Variants in GASK1A observed in about 807,000 individuals in gnomAD.
The protein encoded by GASK1A is golgi associated kinase 1A, also known as Golgi-associated kinase 1A.
In GASK1A, 40 loss-of-function variants were observed where a neutral mutation model predicts 41.2. The observed-to-expected ratio is 0.97, with a 90% confidence interval of 0.75 to 1.27. GASK1A has a LOEUF of 1.27. GASK1A is among the 50% of genes most tolerant of loss of function. The pLI is 0.00. For synonymous variants in GASK1A, 316 were observed against 307.1 expected (o/e 1.03, Z -0.30); for missense variants, 678 against 745.1 (o/e 0.91, Z 1.05).
intron 1 of GASK1A, among the ~76,000 whole-genome samples, chr3:43,026,785 G>A (rs988238710): frequency 1.7e-4 from 25 of 151,126 alleles, no homozygotes; most frequent in South Asian, 2.1e-4. Flanking sequence ...GAGAGCCACC[G>A]TGTACATAAT....
At chr3:42,999,348 C>CA (rs1393118010) in intron 1 of GASK1A, among the ~76,000 whole-genome samples, 18 of 152,372 alleles carry the variant, frequency 1.2e-4, no homozygotes, top group Middle Eastern at 3.4e-3. Context: ...CACAGGCAGG[C>CA]ACCTTCCACA....
rs193138925 is a variant in GASK1A at position 43,052,022 on chromosome 3, T to C, written c.1291-1499T>C. 2.6e-4 allele frequency among the ~76,000 whole-genome samples: 39 copies of C among 152,286 alleles called. 1 individual carries two copies. The highest frequency in any genetic ancestry group is 5.8e-4 in the East Asian group (3 of 5,162). On this transcript the variant is annotated intron_variant, in intron 2 of 4. Coordinates refer to ENST00000430121, the MANE Select transcript of GASK1A (RefSeq NM_001129908.3). ...TACATTTTGCAGCCTGAGAGTTAGA[T>C]ACCTACCAGTCATTGTCCTGACTGG...
intron 1 of GASK1A, among the ~76,000 whole-genome samples, chr3:42,998,802 C>T (rs542569422): frequency 3.3e-4 from 51 of 152,310 alleles, no homozygotes; most frequent in African/African-American, 1.2e-3. Flanking sequence ...GATATCACTT[C>T]TCTGGTTATA....
chr3:43,005,515 A>G (rs1180320759), intron 1 of GASK1A, among the ~76,000 whole-genome samples: 1 of 152,192 alleles, frequency 6.6e-6, no homozygotes, highest in Non-Finnish European at 1.5e-5. Context: ...GTAACTTAGT[A>G]GCTGTCTCAG....
chr3:43,038,200 T>C lies in GASK1A; in HGVS notation c.1290+4647T>C, dbSNP rs559823401. Among the ~76,000 whole-genome samples, 3 of 152,350 alleles carry C rather than the reference T, an allele frequency of 2.0e-5. No individual in the cohort carries two copies. In the South Asian group the frequency reaches 6.2e-4, roughly 32 times the overall value. ...TCTGTGATCAATGAACTATGTGGTT[T>C]TGAATCGGATGTAGACCTTTAATAC... On this transcript the variant is annotated intron_variant, in intron 2 of 4. Transcript: ENST00000430121.
intron 2 of GASK1A, among the ~76,000 whole-genome samples, chr3:43,048,814 G>A (rs1185854712): frequency 6.6e-6 from 1 of 152,148 alleles, no homozygotes; most frequent in Non-Finnish European, 1.5e-5. Flanking sequence ...GTGAGCCCTA[G>A]GTTCATGGAT....
chr3:43,028,701 G>C (rs2089559014), intron 1 of GASK1A, among the ~76,000 whole-genome samples: 1 of 152,196 alleles, frequency 6.6e-6, no homozygotes, highest in Non-Finnish European at 1.5e-5. Flanking sequence ...AGAGATTCCA[G>C]ATGCAGTCCA....
rs952986090 is a variant in GASK1A, at chr3:43,056,735, C to T, written c.*349C>T. The T allele has an allele frequency of 4.6e-5, 8 of 174,020 alleles. No individual in the cohort carries two copies. The highest frequency in any genetic ancestry group is 8.5e-5 in the Non-Finnish European group (7 of 82,036). The allele number at this position is 174,020 out of a possible 1,614,324, so 10.8% of individuals were successfully genotyped here. On this transcript the variant is annotated 3_prime_UTR_variant, in exon 5 of 5. Coordinates refer to ENST00000430121, the MANE Select transcript of GASK1A (RefSeq NM_001129908.3). ...TGTAGGTGTGGGTGGCATGTGTGCC[C>T]GCCTGCATGCAATACCTGAGACCAA...
chr3:43,016,699 C>A (rs973451965), intron 1 of GASK1A, among the ~76,000 whole-genome samples: 2 of 141,994 alleles, frequency 1.4e-5, no homozygotes, highest in Non-Finnish European at 3.1e-5. Context: ...TCATAGGAAG[C>A]GGCAGTGGGA....
intron 2 of GASK1A, among the ~76,000 whole-genome samples, chr3:43,038,274 G>T (rs1405378676): frequency 6.6e-6 from 1 of 152,156 alleles, no homozygotes; most frequent in African/African-American, 2.4e-5. Flanking sequence ...TGAAGTGTGT[G>T]GTTAATATTG....
At position 43,032,408 on chromosome 3, in the gene GASK1A, C is replaced by G. The variant is rs2089580683; in HGVS notation, c.145C>G (p.Pro49Ala). ...CGGCCCAGACCCTGGTCCCATGGAG[C>G]CTCAGGGGGTAACTGGCGCCCCTGC... ...SAGPDPGPME[P>A]QGVTGAPATH... The change falls in exon 2 of 5, where the codon CCT (proline) becomes GCT (alanine). Residue 49 changes from proline (P) to alanine (A), a missense_variant. Transcript: ENST00000430121. The G allele has an allele frequency of 9.7e-6, 15 of 1,551,468 alleles. No individual in the cohort carries two copies. Among genetic ancestry groups the G allele is most frequent in the Non-Finnish European group, 1.3e-5 (15 of 1,146,790 alleles).
chr3:43,019,331 C>T (rs998255986), intron 1 of GASK1A, among the ~76,000 whole-genome samples: 2 of 152,100 alleles, frequency 1.3e-5, no homozygotes, highest in African/African-American at 4.8e-5. Flanking sequence ...CACAGTGGAG[C>T]AAACAGCCCA....
intron 1 of GASK1A, among the ~76,000 whole-genome samples, chr3:42,996,996 G>T (rs939646019): frequency 8.5e-5 from 13 of 152,244 alleles, no homozygotes; most frequent in Admixed American, 7.2e-4. Flanking sequence ...TGTGCTAAGG[G>T]CCCTGTGCAG....
At chr3:43,015,505 T>G (rs1478528383) in intron 1 of GASK1A, among the ~76,000 whole-genome samples, 2 of 143,078 alleles carry the variant, frequency 1.4e-5, no homozygotes, top group Non-Finnish European at 3.0e-5. Context: ...GAAGGGGCAG[T>G]GTGAAGCCAT....
chr3:43,012,523 AG>A (rs530241944), intron 1 of GASK1A, among the ~76,000 whole-genome samples: 147 of 151,292 alleles, frequency 9.7e-4, no homozygotes, highest in Non-Finnish European at 1.5e-3. Context: ...GGAAGTGGAA[AG>A]TCACATGAAG....
intron 1 of GASK1A, among the ~76,000 whole-genome samples, chr3:43,018,250 T>C (rs2089504578): frequency 6.6e-6 from 1 of 152,230 alleles, no homozygotes; most frequent in Non-Finnish European, 1.5e-5. Context: ...AAATCTTGCC[T>C]GCCAGTAATC....
intron 1 of GASK1A, among the ~76,000 whole-genome samples, chr3:43,000,985 G>C (rs922153248): frequency 7.9e-5 from 12 of 152,170 alleles, no homozygotes; most frequent in African/African-American, 2.7e-4. Flanking sequence ...ATCATGAACT[G>C]GTGGAGATGC....
chr3:42,985,863 G>A (rs911194149), intron 1 of GASK1A, among the ~76,000 whole-genome samples: 3 of 152,110 alleles, frequency 2.0e-5, no homozygotes, highest in African/African-American at 7.2e-5. Context: ...TATTGGTCAG[G>A]ATGCCAGCAA....
At chr3:43,055,685 C>T in intron 4 of GASK1A, 150 bp downstream of exon 4, 1 of 634,694 alleles carries the variant, frequency 1.6e-6, no homozygotes, top group Non-Finnish European at 2.8e-6. Flanking sequence ...TGGTGGGGAG[C>T]CCTGGGAAAG....
Sources: gnomAD v4.1 joint callset for allele counts (sites outside exome capture counted in the v4.1 genomes callset) on GRCh38, gnomAD v4.1.1 for gene constraint, MANE v1.5 for transcripts, NCBI Gene and HGNC (gene_info 2026-07-23, HGNC 2026-07-21) for gene names.